Variants in OLA1 observed in about 807,000 individuals in gnomAD.
The protein encoded by OLA1 is obg-like ATPase 1.
Under a neutral mutation model 48.4 loss-of-function variants are expected in OLA1, and 14 were observed. That is an observed-to-expected ratio of 0.29 (90% CI 0.19 to 0.45). The LOEUF (loss-of-function observed/expected upper bound fraction) is 0.45, where lower values mean the gene tolerates loss of function less well. Among genes scored for constraint, OLA1 ranks in the 20% least tolerant of loss-of-function variants. The probability of loss-of-function intolerance (pLI) is 1.00; values close to 1 mark genes in which losing one functional copy is unlikely to be tolerated. For synonymous variants in OLA1, 127 were observed against 150.4 expected (o/e 0.84, Z 1.14); for missense variants, 325 against 467.1 (o/e 0.70, Z 2.80).
intron 4 of OLA1, among the ~76,000 whole-genome samples, chr2:174,168,989 C>T (rs1158964123): frequency 2.0e-5 from 3 of 151,888 alleles, no homozygotes; most frequent in Middle Eastern, 3.4e-3. Flanking sequence ...GACGGAGTCT[C>T]GCCCTGTTGC....
At chr2:174,223,765 CAAAAAAAAAAAAA>C (rs71021680) in intron 3 of OLA1, among the ~76,000 whole-genome samples, 1 of 73,344 alleles carries the variant, frequency 1.4e-5, no homozygotes, top group Non-Finnish European at 2.6e-5. Context: ...GTTATATAGA[CAAAAAAAAAAAAA>C]AAAAAAAAAA....
intron 5 of OLA1, among the ~76,000 whole-genome samples, chr2:174,125,300 T>A (rs1686022043): frequency 6.6e-6 from 1 of 152,244 alleles, no homozygotes; most frequent in Admixed American, 6.5e-5. Context: ...CCTGCTCTAG[T>A]TGTCAGTGCA....
chr2:174,123,075 A>G (rs1685953937), intron 7 of OLA1, 105 bp downstream of exon 7: 3 of 605,908 alleles, frequency 5.0e-6, no homozygotes, highest in African/African-American at 2.0e-5. Context: ...AATAAGGAGA[A>G]AAATATTAAA....
intron 4 of OLA1, chr2:174,172,388 G>T: frequency 6.4e-6 from 1 of 155,084 alleles, no homozygotes; most frequent in South Asian, 1.9e-4. Flanking sequence ...CAGGGCCTAC[G>T]GAAGGAAAAG....
intron 7 of OLA1, among the ~76,000 whole-genome samples, chr2:174,089,518 G>A (rs935254241): frequency 6.6e-6 from 1 of 152,176 alleles, no homozygotes; most frequent in African/African-American, 2.4e-5. Context: ...ATTTCAGGAA[G>A]TATAAGGAAA....
At chr2:174,185,645 A>C (rs576143076) in intron 4 of OLA1, among the ~76,000 whole-genome samples, 127 of 152,240 alleles carry the variant, frequency 8.3e-4, no homozygotes, top group African/African-American at 2.9e-3. Flanking sequence ...AGTATTTTTC[A>C]GGCCGGGCAC....
intron 7 of OLA1, among the ~76,000 whole-genome samples, chr2:174,105,559 A>G (rs1685495632): frequency 6.6e-6 from 1 of 152,036 alleles, no homozygotes; most frequent in Non-Finnish European, 1.5e-5. Context: ...AACTACGAAT[A>G]TTTCAAATAT....
intron 5 of OLA1, among the ~76,000 whole-genome samples, chr2:174,136,603 G>A (rs1686315630): frequency 6.6e-6 from 1 of 151,598 alleles, no homozygotes; most frequent in Admixed American, 6.6e-5. Context: ...ATCCATGTGG[G>A]TTTGGAATCA....
At position 174,123,338 on chromosome 2, in the gene OLA1, C is replaced by G. The variant is rs1040474144; in HGVS notation, c.631-61G>C. 1.6e-5 allele frequency: 12 copies of G among 763,388 alleles called. No homozygotes were observed. The South Asian group carries it at 2.2e-4, about 14-fold the overall frequency. The allele number at this position is 763,388 out of a possible 1,614,324, so 47.3% of individuals were successfully genotyped here. ...AGTTTAGTAAATATGGAGTAAATCA[C>G]TGAAGAATTTGAAAGTAAACATTCC... On this transcript the variant is annotated intron_variant, in intron 6 of 10. Transcript: ENST00000284719.
chr2:174,191,185 G>A (rs1369764930), intron 4 of OLA1, among the ~76,000 whole-genome samples: 7 of 151,882 alleles, frequency 4.6e-5, no homozygotes, highest in Non-Finnish European at 1.0e-4. Flanking sequence ...AATCCACAAC[G>A]TATACATATA....
intron 4 of OLA1, among the ~76,000 whole-genome samples, chr2:174,177,609 T>A (rs1015010082): frequency 1.3e-5 from 2 of 152,124 alleles, no homozygotes; most frequent in African/African-American, 4.8e-5. Flanking sequence ...AAAGTTAGCA[T>A]AAATCCAATT....
intron 9 of OLA1, 37 bp downstream of exon 9, chr2:174,081,115 G>A (rs1223382193): frequency 6.6e-7 from 1 of 1,517,146 alleles, no homozygotes; most frequent in Non-Finnish European, 9.2e-7. Context: ...CAATAGTGTG[G>A]AACTGGATAT....
chr2:174,213,848 T>C (rs1479616095), intron 4 of OLA1, among the ~76,000 whole-genome samples: 1 of 152,272 alleles, frequency 6.6e-6, no homozygotes, highest in African/African-American at 2.4e-5. Flanking sequence ...AGCAATGTCA[T>C]TTGTAATTTT....
chr2:174,079,840 A>T (rs1182022804), intron 9 of OLA1, among the ~76,000 whole-genome samples: 3 of 151,954 alleles, frequency 2.0e-5, no homozygotes, highest in Non-Finnish European at 2.9e-5. Flanking sequence ...TTTTACAATA[A>T]AAGATGTATT....
chr2:174,120,156 G>C (rs147495123), intron 7 of OLA1, among the ~76,000 whole-genome samples: 1 of 152,188 alleles, frequency 6.6e-6, no homozygotes, highest in African/African-American at 2.4e-5. Context: ...TTATTCTACT[G>C]ATTTCATAAT....
chr2:174,123,144 G>GA, intron 7 of OLA1, 36 bp downstream of exon 7: 1 of 916,312 alleles, frequency 1.1e-6, no homozygotes, highest in Non-Finnish European at 1.8e-6. Flanking sequence ...GTACAGAGAT[G>GA]ATGCATCTGG....
intron 4 of OLA1, among the ~76,000 whole-genome samples, chr2:174,186,985 C>G (rs1186778368): frequency 6.6e-6 from 1 of 152,126 alleles, no homozygotes; most frequent in Non-Finnish European, 1.5e-5. Flanking sequence ...AAATGAAGAT[C>G]TCCATCATGT....
chr2:174,171,517 A>G (rs1687302984), intron 4 of OLA1, among the ~76,000 whole-genome samples: 1 of 152,072 alleles, frequency 6.6e-6, no homozygotes, highest in African/African-American at 2.4e-5. Flanking sequence ...TTTAAGAATC[A>G]ACAGATCAAA....
chr2:174,141,543 A>G (rs1686446832), intron 5 of OLA1, among the ~76,000 whole-genome samples: 1 of 152,172 alleles, frequency 6.6e-6, no homozygotes, highest in Admixed American at 6.6e-5. Context: ...TTCATCATAA[A>G]CCACACTTTA....
Sources: allele counts gnomAD v4.1 joint callset (sites outside exome capture counted in the v4.1 genomes callset), GRCh38; gene constraint gnomAD v4.1.1; transcripts MANE v1.5; gene names NCBI Gene and HGNC (gene_info 2026-07-23, HGNC 2026-07-21).